The following BICRA variants were observed in gnomAD, a reference collection of about 807,000 sequenced individuals.
The protein encoded by BICRA is BRD4 interacting chromatin remodeling complex associated protein, also known as BRD4-interacting chromatin-remodeling complex-associated protein.
In BICRA, 31 loss-of-function variants were observed where a neutral mutation model predicts 96.9. The ratio of observed to expected loss-of-function variants is 0.32; its 90% CI spans 0.24 to 0.43. The LOEUF is 0.43. Ranked by LOEUF, BICRA falls within the 20% of genes least tolerant of loss-of-function variation. BICRA has a pLI of 1.00. For synonymous variants in BICRA, 1,350 were observed against 1,071.8 expected, an observed-to-expected ratio of 1.26 and a Z score of -5.07; for missense variants, 2,283 against 2,190.3, an observed-to-expected ratio of 1.04 and a Z score of -0.84.
chr19:47,660,952 C>T (rs573941817), intron 1 of BICRA, among the ~76,000 whole-genome samples: 197 of 152,220 alleles, frequency 1.3e-3, no homozygotes, highest in African/African-American at 4.6e-3. Flanking sequence ...GCTCACGCCT[C>T]TAATCCCAGC....
At position 47,702,119 on chromosome 19, in the gene BICRA, G is replaced by C; in HGVS notation, c.4387G>C (p.Asp1463His). 6.5e-7 allele frequency: 1 copy of C among 1,528,380 alleles called. No homozygotes were observed. The highest frequency in any genetic ancestry group is 8.7e-7 in the Non-Finnish European group (1 of 1,145,044). The allele number at this position is 1,528,380 out of a possible 1,614,324, so 94.7% of individuals were successfully genotyped here. ...ASAAQGTGDPDWEAPGLPPAK... is the reference protein window; with the variant it reads ...ASAAQGTGDPHWEAPGLPPAK... ...CGCCGCCCAAGGCACCGGGGACCCC[G>C]ACTGGGAGGCGCCCGGGCTGCCCCC... The change falls in exon 15 of 15, where the codon GAC (aspartate) becomes CAC (histidine). Residue 1463 changes from aspartate to histidine, a missense_variant. By Grantham distance (81) the Asp-to-His change is moderately conservative (BLOSUM62 -1). Coordinates refer to ENST00000594866, the MANE Select transcript of BICRA (RefSeq NM_001394372.1).
chr19:47,666,121 G>A (rs373825212), intron 1 of BICRA, among the ~76,000 whole-genome samples: 1 of 152,180 alleles, frequency 6.6e-6, no homozygotes, highest in East Asian at 1.9e-4. Context: ...CTCCCCAAAC[G>A]GAGGCACAGA....
At chr19:47,629,985 TATA>T (rs905208850) in intron 1 of BICRA, among the ~76,000 whole-genome samples, 2 of 151,834 alleles carry the variant, frequency 1.3e-5, no homozygotes, top group African/African-American at 4.8e-5. Flanking sequence ...TTTTTAAGTG[TATA>T]ATTCAGTGGC....
rs1384179867 is a variant in BICRA, at chr19:47,679,428, G to A, written c.258G>A (p.Ala86=). 3.0e-5 allele frequency: 45 copies of A among 1,489,308 alleles called. No homozygotes were observed. The highest frequency in any genetic ancestry group is 3.7e-5 in the Non-Finnish European group (41 of 1,117,744). 92.3% of individuals were successfully genotyped at this position (1,489,308 alleles called of 1,614,324 possible). A position where few individuals can be genotyped will look rare whatever the true frequency, so the allele number is the denominator to read the frequency against. ...AAGATGACATCCTGGGCTCTCCTGC[G>A]ACAGGGGGCGGCGGCGGGGGCAGTG... The part of the protein sequence containing the change: ...FLEDDILGSP[A]TGGGGGGSGG... The change falls in exon 6 of 15, where the codon GCG becomes GCA. Residue 86 remains alanine (A), a synonymous_variant. Coordinates refer to ENST00000594866, the MANE Select transcript of BICRA (RefSeq NM_001394372.1).
chr19:47,615,607 C>T (rs1971973053), intron 1 of BICRA: 1 of 144,120 alleles, frequency 6.9e-6, no homozygotes, highest in African/African-American at 2.5e-5. Context: ...TCAGTACCTA[C>T]TTGGTAAGGC....
intron 1 of BICRA, among the ~76,000 whole-genome samples, chr19:47,667,355 T>A (rs919874675): frequency 6.6e-6 from 1 of 152,186 alleles, no homozygotes; most frequent in African/African-American, 2.4e-5. Flanking sequence ...TGAAAGCACA[T>A]GAATACAAAA....
At chr19:47,640,079 A>C (rs998592551) in intron 1 of BICRA, among the ~76,000 whole-genome samples, 3 of 152,140 alleles carry the variant, frequency 2.0e-5, no homozygotes, top group Non-Finnish European at 4.4e-5. Flanking sequence ...GGTTAGCTTC[A>C]CTCTGTCATA....
rs559186138 is a variant in BICRA at position 47,680,133 on chromosome 19, G to C, written c.963G>C (p.Ser321=). 1.3e-6 allele frequency: 2 copies of C among 1,526,396 alleles called. No individual in the cohort carries two copies. Among genetic ancestry groups the C allele is most frequent in the African/African-American group, 1.4e-5 (1 of 71,416 alleles). 94.6% of individuals were successfully genotyped at this position (1,526,396 alleles called of 1,614,324 possible). A position where few individuals can be genotyped will look rare whatever the true frequency, so the allele number is the denominator to read the frequency against. The part of the protein sequence containing the change: ...GAASAPTGTP[S]GQPLAVAPGL... ...CCTCGGCTCCCACCGGGACGCCCTC[G>C]GGACAGCCGCTGGCGGTGGCCCCAG... Residue 321 remains serine (S), a synonymous_variant, in exon 6 of 15, where the codon TCG becomes TCC. Transcript: ENST00000594866.
chr19:47,688,882 A>G (rs1470830164), intron 7 of BICRA, among the ~76,000 whole-genome samples: 1 of 151,350 alleles, frequency 6.6e-6, no homozygotes, highest in Non-Finnish European at 1.5e-5. Flanking sequence ...GCTGGAGTGC[A>G]GTGGCGCGAT....
intron 1 of BICRA, among the ~76,000 whole-genome samples, chr19:47,619,252 T>TTG (rs1178494367): frequency 3.0e-4 from 45 of 151,102 alleles, no homozygotes; most frequent in Non-Finnish European, 5.2e-4. Flanking sequence ...TTCCTTTTTT[T>TTG]TGTGTGTGTG....
intron 7 of BICRA, among the ~76,000 whole-genome samples, chr19:47,684,072 CAT>C (rs1353047176): frequency 8.5e-5 from 13 of 152,224 alleles, no homozygotes; most frequent in Admixed American, 8.5e-4. Context: ...ACCAGTTTTT[CAT>C]TCCATCAGCA....
At chr19:47,609,480 C>A (rs1353099892) in intron 1 of BICRA, among the ~76,000 whole-genome samples, 2 of 150,914 alleles carry the variant, frequency 1.3e-5, no homozygotes, top group Non-Finnish European at 3.0e-5. Context: ...TATGGGGACC[C>A]CCCCCCAACC....
intron 1 of BICRA, among the ~76,000 whole-genome samples, chr19:47,617,436 T>C (rs1972001942): frequency 6.6e-6 from 1 of 152,148 alleles, no homozygotes; most frequent in Non-Finnish European, 1.5e-5. Context: ...CCATATCGGC[T>C]CACTGCAACC....
At chr19:47,685,786 T>TGTGTGTGTGTGTGTGTGCGCGCGCGCGC in intron 7 of BICRA, among the ~76,000 whole-genome samples, 3 of 117,930 alleles carry the variant, frequency 2.5e-5, no homozygotes, top group African/African-American at 1.1e-4. Context: ...TGTGTGTGTG[T>TGTGTGTGTGTGTGTGTGCGCGCGCGCGC]GCGCGCGCGC....
At chr19:47,689,468 T>C (rs1486526039) in intron 7 of BICRA, among the ~76,000 whole-genome samples, 3 of 152,106 alleles carry the variant, frequency 2.0e-5, no homozygotes, top group Non-Finnish European at 4.4e-5. Context: ...TGGAGTGCAG[T>C]GGCAAGATCT....
At chr19:47,681,372 C>A in intron 6 of BICRA, 96 bp downstream of exon 6, 4 of 1,095,516 alleles carry the variant, frequency 3.7e-6, no homozygotes, top group African/African-American at 2.2e-5. Flanking sequence ...AAAGTGGATG[C>A]CACTGTGGCA....
Position 47,694,302 on chromosome 19 carries a change from C to CT in BICRA, c.2471_2472insT (p.Pro825ThrfsTer46). The CT allele has an allele frequency of 1.1e-6, 1 of 899,952 alleles. No individual in the cohort carries two copies. The highest frequency in any genetic ancestry group is 2.3e-5 in the Admixed American group (1 of 43,754). The allele number at this position is 899,952 out of a possible 1,614,324, so 55.7% of individuals were successfully genotyped here. On this transcript the variant is annotated frameshift_variant, in exon 8 of 15. Coordinates refer to ENST00000594866, the MANE Select transcript of BICRA (RefSeq NM_001394372.1). LOFTEE classifies it high-confidence loss of function. ...GAGCCACCCTTGCACCCTTGCCCCC[C>CT]ACCCCAGGCCCCCCCAACTCTGCCT... is the stretch of plus-strand genomic sequence containing the variant.
At position 47,695,373 on chromosome 19, in the gene BICRA, C is replaced by T. The variant is rs376869150; in HGVS notation, c.3085C>T (p.Pro1029Ser). 4.1e-6 allele frequency: 6 copies of T among 1,467,438 alleles called. No homozygotes were observed. The highest frequency in any genetic ancestry group is 5.6e-6 in the Non-Finnish European group (6 of 1,070,316). The allele number at this position is 1,467,438 out of a possible 1,614,324, so 90.9% of individuals were successfully genotyped here. ...PAPMAATGLP[P>S]LLPAENKAFA... ...ACCCCACCCACCCCCAGGCCTCCCTCCTCTGCTTCCAGCCGAGAACAAGGC... is the reference window on the plus strand; with the variant it reads ...ACCCCACCCACCCCCAGGCCTCCCTTCTCTGCTTCCAGCCGAGAACAAGGC... Residue 1029 changes from proline to serine, a missense_variant, in exon 10 of 15, where the codon CCT (proline) becomes TCT (serine). Coordinates refer to ENST00000594866, the MANE Select transcript of BICRA (RefSeq NM_001394372.1).
chr19:47,649,483 G>C (rs375213108), intron 1 of BICRA, among the ~76,000 whole-genome samples: 65 of 152,274 alleles, frequency 4.3e-4, no homozygotes, highest in African/African-American at 1.5e-3. Context: ...CTTGTGTCCT[G>C]CCTGGAGACA....
Sources: allele counts gnomAD v4.1 joint callset (sites outside exome capture counted in the v4.1 genomes callset), GRCh38; gene constraint gnomAD v4.1.1; transcripts MANE v1.5; gene names NCBI Gene and HGNC (gene_info 2026-07-23, HGNC 2026-07-21).